Variants in GAS7 observed in about 807,000 individuals in gnomAD.
GAS7 encodes growth arrest specific 7.
A neutral mutation model predicts 71.1 loss-of-function variants in GAS7; 28 were observed. The ratio of observed to expected loss-of-function variants is 0.39; its 90% CI spans 0.29 to 0.54. GAS7 has a LOEUF of 0.54. Ranked by LOEUF, GAS7 falls within the 20% of genes least tolerant of loss-of-function variation. GAS7 has a pLI of 0.62. For missense variants in GAS7, 436 were observed against 627.8 expected, an observed-to-expected ratio of 0.69 and a Z score of 3.27; for synonymous variants, 258 against 245.8, an observed-to-expected ratio of 1.05 and a Z score of -0.46.
intron 2 of GAS7, among the ~76,000 whole-genome samples, chr17:10,016,624 A>C (rs917547007): frequency 3.5e-5 from 5 of 144,286 alleles, no homozygotes; most frequent in Non-Finnish European, 6.0e-5. Flanking sequence ...AAAAAAAAAA[A>C]CAAAACAAAA....
Position 9,946,885 on chromosome 17 carries a change from G to T in GAS7, c.615+9C>A, listed in dbSNP as rs1287840538. On this transcript the variant is annotated intron_variant, in intron 6 of 13. Transcript: ENST00000432992. Reference sequence around the variant, plus strand: ...GTCACGCTGTGGGGGAAACTGAGGCGCTGCTTACCCAGAAGTAGTCGCAGT... The same window carrying T: ...GTCACGCTGTGGGGGAAACTGAGGCTCTGCTTACCCAGAAGTAGTCGCAGT... The T allele has an allele frequency of 1.3e-6, 2 of 1,591,666 alleles. No individual in the cohort carries two copies. The highest frequency in any genetic ancestry group is 2.2e-5 in the East Asian group (1 of 44,700).
At chr17:10,013,102 CAAA>C (rs1207550210) in intron 2 of GAS7, among the ~76,000 whole-genome samples, 9 of 96,802 alleles carry the variant, frequency 9.3e-5, no homozygotes, top group South Asian at 3.5e-4. Context: ...GACTCTGTCT[CAAA>C]AAAAAAAAAA....
intron 2 of GAS7, among the ~76,000 whole-genome samples, chr17:10,011,983 A>AAC (rs2071791509): frequency 6.6e-6 from 1 of 152,174 alleles, no homozygotes. Flanking sequence ...CTCAAAAAAA[A>AAC]AAAAAACAAA....
intron 1 of GAS7, among the ~76,000 whole-genome samples, chr17:10,079,262 A>G (rs1362855769): frequency 6.6e-6 from 1 of 152,232 alleles, no homozygotes; most frequent in Non-Finnish European, 1.5e-5. Context: ...TTTGATAAAA[A>G]TAAACATAAA....
chr17:9,946,648 C>A (rs2068798027), intron 6 of GAS7, among the ~76,000 whole-genome samples: 1 of 152,194 alleles, frequency 6.6e-6, no homozygotes, highest in African/African-American at 2.4e-5. Flanking sequence ...CCCCCGCTTA[C>A]CTACATTCTG....
chr17:10,016,747 C>CAAA (rs1168647491), intron 2 of GAS7, among the ~76,000 whole-genome samples: 6 of 134,854 alleles, frequency 4.4e-5, no homozygotes, highest in Non-Finnish European at 7.9e-5. Flanking sequence ...AACATCTCTA[C>CAAA]AAAAAATAAT....
At chr17:9,932,555 G>T (rs1353890348) in intron 9 of GAS7, among the ~76,000 whole-genome samples, 4 of 152,178 alleles carry the variant, frequency 2.6e-5, no homozygotes, top group African/African-American at 9.7e-5. Context: ...CTTTAGAGTG[G>T]ATTACTTCAC....
At position 9,979,242 on chromosome 17, in the gene GAS7, CTGGGATCCCA is replaced by C. The variant is rs769509785; in HGVS notation, c.385+2552_385+2561del. On this transcript the variant is annotated intron_variant, in intron 3 of 13. Coordinates refer to ENST00000432992, the MANE Select transcript of GAS7 (RefSeq NM_201433.2). Reference sequence around the variant, plus strand: ...CCTCCTTCATGGAGCACGGATACATCTGGGATCCCAAGGATTCCACCTTAGGAAATACTAC... The same window carrying C: ...CCTCCTTCATGGAGCACGGATACATCAGGATTCCACCTTAGGAAATACTAC... Among the ~76,000 whole-genome samples the C allele has an allele frequency of 5.6e-4, 85 of 152,178 alleles. 1 individual carries two copies. The highest frequency in any genetic ancestry group is 2.5e-4 in the Non-Finnish European group (17 of 68,032).
intron 1 of GAS7, chr17:10,039,785 C>T (rs1010398086): frequency 2.2e-6 from 1 of 456,044 alleles, no homozygotes; most frequent in Non-Finnish European, 4.4e-6. Flanking sequence ...CGAGGTGACA[C>T]AGCCAGCATC....
intron 2 of GAS7, among the ~76,000 whole-genome samples, chr17:9,982,739 G>A (rs2070456122): frequency 6.6e-6 from 1 of 150,962 alleles, no homozygotes; most frequent in African/African-American, 2.4e-5. Context: ...TTGTGCCACT[G>A]CACTCCAGCC....
intron 1 of GAS7, among the ~76,000 whole-genome samples, chr17:10,051,869 C>A (rs1173481929): frequency 6.6e-6 from 1 of 152,174 alleles, no homozygotes; most frequent in Non-Finnish European, 1.5e-5. Context: ...TTTTCCCCAG[C>A]ATTGGATATC....
chr17:10,113,990 C>G (rs1363648520), intron 1 of GAS7, among the ~76,000 whole-genome samples: 1 of 152,190 alleles, frequency 6.6e-6, no homozygotes, highest in African/African-American at 2.4e-5. Flanking sequence ...TCACAGCTCA[C>G]TGCAGCCTCA....
chr17:10,155,725 C>T (rs2074200518), intron 1 of GAS7, among the ~76,000 whole-genome samples: 1 of 152,154 alleles, frequency 6.6e-6, no homozygotes, highest in African/African-American at 2.4e-5. Flanking sequence ...ATGACAGTGT[C>T]GGAGACCCTA....
chr17:10,110,569 A>G (rs1241024220), intron 1 of GAS7, among the ~76,000 whole-genome samples: 2 of 152,062 alleles, frequency 1.3e-5, no homozygotes, highest in East Asian at 1.9e-4. Context: ...GGGTTCAACC[A>G]ATTCTCCTGT....
intron 2 of GAS7, among the ~76,000 whole-genome samples, chr17:9,986,126 C>G (rs1463320270): frequency 6.6e-6 from 1 of 152,150 alleles, no homozygotes; most frequent in Non-Finnish European, 1.5e-5. Context: ...CTGAAGGATG[C>G]AAGGACAGAT....
chr17:9,959,069 C>A lies in GAS7; in HGVS notation c.525+133G>T. The A allele has an allele frequency of 1.5e-6, 2 of 1,340,836 alleles. No individual in the cohort carries two copies. Among genetic ancestry groups the A allele is most frequent in the Non-Finnish European group, 2.0e-6 (2 of 1,007,226 alleles). The allele number at this position is 1,340,836 out of a possible 1,614,324, so 83.1% of individuals were successfully genotyped here. A position where few individuals can be genotyped will look rare whatever the true frequency, so the allele number is the denominator to read the frequency against. ...TGTGGATGGGGAACTTGAGTGAAAT[C>A]CGAGCTTTGGAACTTCCCCGTTTCC... On this transcript the variant is annotated intron_variant, in intron 5 of 13. Transcript: ENST00000432992. This position sits in a 1 kb window ranked among gnomAD's most constrained non-coding sequence, Gnocchi z 5.0.
At chr17:10,149,446 C>A (rs2074147462) in intron 1 of GAS7, among the ~76,000 whole-genome samples, 1 of 152,170 alleles carries the variant, frequency 6.6e-6, no homozygotes, top group Admixed American at 6.6e-5. Flanking sequence ...TTTTAGGATA[C>A]TGCAGCCGAA....
Position 10,140,319 on chromosome 17 carries a change from A to G in GAS7, c.183+57889T>C, listed in dbSNP as rs144955611. ...TCTACAAACAATTTAAAAATTCGCC[A>G]GGCATGGTGGGGCATGCCTGTGGTT... is the stretch of plus-strand genomic sequence containing the variant. On this transcript the variant is annotated intron_variant, in intron 1 of 13. Transcript: ENST00000432992. Among the ~76,000 whole-genome samples, 83 of 152,256 alleles carry G rather than the reference A, an allele frequency of 5.5e-4. 1 individual carries two copies. Among genetic ancestry groups the G allele is most frequent in the South Asian group, 2.1e-3 (10 of 4,822 alleles).
intron 1 of GAS7, among the ~76,000 whole-genome samples, chr17:10,078,269 T>G (rs1441478040): frequency 2.6e-5 from 4 of 152,056 alleles, no homozygotes; most frequent in African/African-American, 7.3e-5. Flanking sequence ...TTTTTGTATT[T>G]TTAGTACAGA....
Sources: gnomAD v4.1 joint callset for allele counts (sites outside exome capture counted in the v4.1 genomes callset) on GRCh38, gnomAD v4.1.1 for gene constraint, Gnocchi (gnomAD v3.1) non-coding constraint, MANE v1.5 for transcripts, NCBI Gene and HGNC (gene_info 2026-07-23, HGNC 2026-07-21) for gene names.